EML4: variants seen among roughly 807,000 people sequenced by gnomAD.
EML4 encodes the protein echinoderm microtubule-associated protein-like 4.
In EML4, 72 loss-of-function variants were observed where a neutral mutation model predicts 129.0. The ratio of observed to expected loss-of-function variants is 0.56; its 90% CI spans 0.46 to 0.68. The LOEUF is 0.68. EML4 is among the 30% of genes least tolerant of loss of function. The pLI is 0.00. For missense variants in EML4, 1,363 were observed against 1,190.6 expected (o/e 1.14, Z -2.13); for synonymous variants, 532 against 405.0 (o/e 1.31, Z -3.77).
At chr2:42,173,598 C>T (rs954802675) in intron 1 of EML4, among the ~76,000 whole-genome samples, 1 of 152,080 alleles carries the variant, frequency 6.6e-6, no homozygotes, top group African/African-American at 2.4e-5. Context: ...CCTGTAGTCC[C>T]AGCACTTTGG....
intron 6 of EML4, among the ~76,000 whole-genome samples, chr2:42,265,121 C>T (rs1391676057): frequency 6.6e-6 from 1 of 151,994 alleles, no homozygotes; most frequent in Non-Finnish European, 1.5e-5. Flanking sequence ...GACCGAGTCT[C>T]ATTCTGTTGC....
intron 1 of EML4, among the ~76,000 whole-genome samples, chr2:42,207,127 GT>G (rs1390718721): frequency 1.3e-5 from 2 of 151,976 alleles, no homozygotes; most frequent in Non-Finnish European, 2.9e-5. Flanking sequence ...GTGATTATTG[GT>G]TACATTCTAA....
chr2:42,303,406 A>G lies in EML4; in HGVS notation c.1859A>G (p.Asn620Ser). ...CAGGACAGGCAGGTGTGCCTGTGGA[A>G]CTCAATGGAACACAGGCTGGAATGG... ...CAQDRQVCLWNSMEHRLEWTR... is the reference protein window; with the variant it reads ...CAQDRQVCLWSSMEHRLEWTR... The change falls in exon 16 of 23, where the codon AAC becomes AGC. Residue 620 changes from asparagine (N) to serine (S), a missense_variant. Asn to Ser is a conservative substitution (Grantham distance 46). Coordinates refer to ENST00000318522, the MANE Select transcript of EML4 (RefSeq NM_019063.5). The G allele has an allele frequency of 6.2e-7, 1 of 1,614,102 alleles. No homozygotes were observed. The highest frequency in any genetic ancestry group is 1.1e-5 in the South Asian group (1 of 91,068).
At position 42,172,407 on chromosome 2, in the gene EML4, T is replaced by C. The variant is rs184582442; in HGVS notation, c.25+2771T>C. 3.3e-5 allele frequency among the ~76,000 whole-genome samples: 5 copies of C among 152,254 alleles called. No homozygotes were observed. The East Asian group carries it at 7.7e-4, about 23-fold the overall frequency. On this transcript the variant is annotated intron_variant, in intron 1 of 22. Coordinates refer to ENST00000318522, the MANE Select transcript of EML4 (RefSeq NM_019063.5). ...AATGGCAATTAAGACTAGGTAGTGG[T>C]TTTTTAAATCATAGGAATGATAAGT... is the stretch of plus-strand genomic sequence containing the variant.
intron 6 of EML4, among the ~76,000 whole-genome samples, chr2:42,279,589 C>A (rs1666890686): frequency 6.6e-6 from 1 of 152,028 alleles, no homozygotes; most frequent in African/African-American, 2.4e-5. Flanking sequence ...TCCCAAGTAG[C>A]TGGGACTACA....
chr2:42,292,542 C>G (rs1667705228), intron 11 of EML4, among the ~76,000 whole-genome samples: 5 of 152,112 alleles, frequency 3.3e-5, no homozygotes, highest in Admixed American at 3.3e-4. Context: ...GTGTATAATT[C>G]CATTTGAATG....
intron 21 of EML4, 74 bp downstream of exon 21, chr2:42,326,326 A>G (rs1669810585): frequency 1.0e-6 from 1 of 995,292 alleles, no homozygotes; most frequent in South Asian, 1.5e-5. Flanking sequence ...GCTTAAATTT[A>G]TAAATGAAAA....
rs193229951 is a variant in EML4, at chr2:42,213,479, A to G, written c.26-32026A>G. ...GTCTCCTGTTGGACTAACCATGAAG[A>G]AAAAATAAAATAAAATGAACTACAT... On this transcript the variant is annotated intron_variant, in intron 1 of 22. Transcript: ENST00000318522. 2.5e-4 allele frequency among the ~76,000 whole-genome samples: 38 copies of G among 152,362 alleles called. No homozygotes were observed. In the East Asian group the frequency reaches 5.2e-3, roughly 21 times the overall value.
intron 1 of EML4, chr2:42,208,167 G>T (rs1309015090): frequency 1.3e-5 from 2 of 152,098 alleles, no homozygotes; most frequent in Non-Finnish European, 1.5e-5. Context: ...TGGGAGGGAG[G>T]TCTTATGTCT....
At position 42,328,915 on chromosome 2, in the gene EML4, G is replaced by C. The variant is rs1169392812; in HGVS notation, c.2371G>C (p.Asp791His). The change falls in exon 22 of 23, where the codon GAT (aspartate) becomes CAT (histidine). Residue 791 changes from aspartate (D) to histidine (H), a missense_variant. Physicochemically the swap from Asp to His is moderately conservative, Grantham distance 81. Transcript: ENST00000318522. ...CTGGCCAGAAGGATCTGATGGGACA[G>C]ATATCAATGCACTGGTGCGATCCCA... ...GVWPEGSDGT[D>H]INALVRSHNR... is the part of the protein sequence containing the mutation. 1.9e-6 allele frequency: 3 copies of C among 1,613,112 alleles called. No homozygotes were observed. Among genetic ancestry groups the C allele is most frequent in the Non-Finnish European group, 2.5e-6 (3 of 1,179,586 alleles).
chr2:42,189,363 C>T (rs17670415), intron 1 of EML4, among the ~76,000 whole-genome samples: 22,166 of 152,138 alleles, frequency 0.15, 1,743 homozygotes, highest in Middle Eastern at 0.23. Context: ...TCATGTCTCT[C>T]CTAGATTGAG....
At chr2:42,198,601 G>C (rs545404809) in intron 1 of EML4, among the ~76,000 whole-genome samples, 1 of 152,238 alleles carries the variant, frequency 6.6e-6, no homozygotes, top group East Asian at 1.9e-4. Context: ...AATTTGGGGA[G>C]GAATATTTCT....
At position 42,206,134 on chromosome 2, in the gene EML4, A is replaced by G. The variant is rs370227330; in HGVS notation, c.25+36498A>G. ...TTTTTAAATCTGTAGACCTTATTCAAGTTTCACAAATTTGTTCCATATAGC... is the reference window on the plus strand; with the variant it reads ...TTTTTAAATCTGTAGACCTTATTCAGGTTTCACAAATTTGTTCCATATAGC... On this transcript the variant is annotated intron_variant, in intron 1 of 22. Coordinates refer to ENST00000318522, the MANE Select transcript of EML4 (RefSeq NM_019063.5). 2.4e-4 allele frequency among the ~76,000 whole-genome samples: 36 copies of G among 152,366 alleles called. No homozygotes were observed. In the South Asian group the frequency reaches 7.0e-3, roughly 30 times the overall value.
intron 1 of EML4, among the ~76,000 whole-genome samples, chr2:42,227,105 T>C (rs1674013596): frequency 6.6e-6 from 1 of 152,222 alleles, no homozygotes; most frequent in African/African-American, 2.4e-5. Flanking sequence ...ATGATGTTCA[T>C]TCTTTTTCTT....
intron 1 of EML4, among the ~76,000 whole-genome samples, chr2:42,200,089 C>G (rs759385984): frequency 2.1e-4 from 31 of 148,578 alleles, no homozygotes; most frequent in Non-Finnish European, 4.1e-4. Context: ...GCGGGCAGAT[C>G]GCGAAGTCAG....
rs1558619866 is a variant in EML4 at position 42,330,263 on chromosome 2, G to C, written c.*56G>C. 6.6e-7 allele frequency: 1 copy of C among 1,523,604 alleles called. No homozygotes were observed. The highest frequency in any genetic ancestry group is 2.3e-5 in the East Asian group (1 of 44,212). 94.4% of individuals were successfully genotyped at this position (1,523,604 alleles called of 1,614,324 possible). A position where few individuals can be genotyped will look rare whatever the true frequency, so the allele number is the denominator to read the frequency against. On this transcript the variant is annotated 3_prime_UTR_variant, in exon 23 of 23. Coordinates refer to ENST00000318522, the MANE Select transcript of EML4 (RefSeq NM_019063.5). ...CAGCTGCATGTGATTTTGTGATAAAGTTCAGGTAACAGGATGGGCAGTGAT... is the reference window on the plus strand; with the variant it reads ...CAGCTGCATGTGATTTTGTGATAAACTTCAGGTAACAGGATGGGCAGTGAT...
chr2:42,276,763 G>A (rs982941197), intron 6 of EML4, among the ~76,000 whole-genome samples: 1 of 152,156 alleles, frequency 6.6e-6, no homozygotes, highest in Non-Finnish European at 1.5e-5. Flanking sequence ...AAAGCGTGAA[G>A]CTAAGATTCA....
rs929716424 is a variant in EML4 at position 42,280,772 on chromosome 2, G to T, written c.668-78G>T. The T allele has an allele frequency of 7.2e-5, 79 of 1,094,484 alleles. 1 individual carries two copies. Among genetic ancestry groups the T allele is most frequent in the Non-Finnish European group, 1.4e-5 (11 of 766,588 alleles). 67.8% of individuals were successfully genotyped at this position (1,094,484 alleles called of 1,614,324 possible). A position where few individuals can be genotyped will look rare whatever the true frequency, so the allele number is the denominator to read the frequency against. Reference sequence around the variant, plus strand: ...TAGTCATTTTTGTCTTGTTTTTATTGTATCACGTTAATAATCCACTTTTGT... The same window carrying T: ...TAGTCATTTTTGTCTTGTTTTTATTTTATCACGTTAATAATCCACTTTTGT... On this transcript the variant is annotated intron_variant, in intron 6 of 22. Coordinates refer to ENST00000318522, the MANE Select transcript of EML4 (RefSeq NM_019063.5).
Position 42,199,599 on chromosome 2 carries a change from C to A in EML4, c.25+29963C>A, listed in dbSNP as rs142725315. Among the ~76,000 whole-genome samples, 794 of 152,266 alleles carry A rather than the reference C, an allele frequency of 5.2e-3. 6 individuals carry two copies. The highest frequency in any genetic ancestry group is 0.018 in the African/African-American group (767 of 41,550). Reference sequence around the variant, plus strand: ...AGAAAGAATAGTTGCCGTTTTGACTCAGCTGGAATGGAAGTGGTGTCGTGT... The same window carrying A: ...AGAAAGAATAGTTGCCGTTTTGACTAAGCTGGAATGGAAGTGGTGTCGTGT... On this transcript the variant is annotated intron_variant, in intron 1 of 22. Transcript: ENST00000318522.
Sources: gnomAD v4.1 joint callset for allele counts (sites outside exome capture counted in the v4.1 genomes callset) on GRCh38, gnomAD v4.1.1 for gene constraint, MANE v1.5 for transcripts, NCBI Gene and HGNC (gene_info 2026-07-23, HGNC 2026-07-21) for gene names.